IL1RAPL2: variants seen among roughly 807,000 people sequenced by gnomAD.
IL1RAPL2 encodes interleukin 1 receptor accessory protein like 2, also known as X-linked interleukin-1 receptor accessory protein-like 2.
A neutral mutation model predicts 44.1 loss-of-function variants in IL1RAPL2; 3 were observed. The ratio of observed to expected loss-of-function variants is 0.07; its 90% CI spans 0.03 to 0.18. The LOEUF (loss-of-function observed/expected upper bound fraction) is 0.18. IL1RAPL2 is among the 10% of genes least tolerant of loss of function. The pLI, the probability that IL1RAPL2 is intolerant of heterozygous loss-of-function variation, is 1.00. For missense variants in IL1RAPL2, 391 were observed against 496.4 expected, an observed-to-expected ratio of 0.79 and a Z score of 2.02; for synonymous variants, 181 against 178.8, an observed-to-expected ratio of 1.01 and a Z score of -0.10.
chrX:105,363,626 A>G (rs1470566100), intron 5 of IL1RAPL2, among the ~76,000 whole-genome samples: 1 of 109,577 alleles, frequency 9.1e-6, no homozygotes, highest in East Asian at 2.8e-4. Flanking sequence ...CATCTTTTTG[A>G]TAATAGCCAT....
chrX:104,893,981 A>T (rs752337064), intron 2 of IL1RAPL2, among the ~76,000 whole-genome samples: 7 of 111,124 alleles, frequency 6.3e-5, no homozygotes, highest in Non-Finnish European at 1.1e-4. Flanking sequence ...GGGCAGGTCT[A>T]GTGGTTATAA....
chrX:104,952,998 A>G (rs1925626642), intron 2 of IL1RAPL2, among the ~76,000 whole-genome samples: 1 of 111,949 alleles, frequency 8.9e-6, no homozygotes, highest in African/African-American at 3.2e-5. Flanking sequence ...ATTAGGTGTG[A>G]TTATCAATAA....
At chrX:104,935,660 C>T (rs1925007525) in intron 2 of IL1RAPL2, among the ~76,000 whole-genome samples, 1 of 112,116 alleles carries the variant, frequency 8.9e-6, no homozygotes, top group South Asian at 3.7e-4. Context: ...ATATACTCTT[C>T]GGTGATCATT....
chrX:105,317,508 T>G, intron 5 of IL1RAPL2, among the ~76,000 whole-genome samples: 1 of 112,263 alleles, frequency 8.9e-6, no homozygotes, highest in Middle Eastern at 4.6e-3. Flanking sequence ...TCATTTCTTG[T>G]TGTTGAAATT....
chrX:104,651,653 T>C (rs901188278), intron 1 of IL1RAPL2, among the ~76,000 whole-genome samples: 4 of 111,043 alleles, frequency 3.6e-5, no homozygotes, highest in African/African-American at 1.3e-4. Flanking sequence ...TATGGTTGAG[T>C]TGGTAACTAA....
At chrX:105,640,646 ATGTG>A (rs1249323712) in intron 6 of IL1RAPL2, among the ~76,000 whole-genome samples, 1 of 62,098 alleles carries the variant, frequency 1.6e-5, no homozygotes, top group African/African-American at 6.2e-5. Context: ...CAAATTATGT[ATGTG>A]TGTGTATATA....
At chrX:104,962,691 A>G (rs1227745707) in intron 2 of IL1RAPL2, among the ~76,000 whole-genome samples, 1 of 112,333 alleles carries the variant, frequency 8.9e-6, no homozygotes, top group Non-Finnish European at 1.9e-5. Flanking sequence ...GAGAAGACAC[A>G]TCAACACCTC....
rs901006593 is a variant in IL1RAPL2 at position 104,671,132 on chromosome X, G to A, written c.82+12137G>A. On this transcript the variant is annotated intron_variant, in intron 2 of 10. Coordinates refer to ENST00000372582, the MANE Select transcript of IL1RAPL2 (RefSeq NM_017416.2). ...AATTTTTATATAAATATAAAAACACGTGTGCTATTATATATGTATGTATAG... is the reference window on the plus strand; with the variant it reads ...AATTTTTATATAAATATAAAAACACATGTGCTATTATATATGTATGTATAG... Among the ~76,000 whole-genome samples the A allele has an allele frequency of 6.4e-5, 7 of 110,129 alleles. No individual in the cohort carries two copies. The East Asian group carries it at 1.1e-3, about 18-fold the overall frequency.
At chrX:105,180,052 C>G (rs1385596169) in intron 2 of IL1RAPL2, among the ~76,000 whole-genome samples, 1 of 110,052 alleles carries the variant, frequency 9.1e-6, no homozygotes, top group African/African-American at 3.3e-5. Context: ...AAGTGGGCAT[C>G]CTAGCTGGGC....
chrX:105,446,881 A>G (rs1232200528), intron 5 of IL1RAPL2, among the ~76,000 whole-genome samples: 4 of 104,970 alleles, frequency 3.8e-5, no homozygotes, highest in African/African-American at 1.4e-4. Context: ...TACTATCACC[A>G]GTGAGTTTTG....
At chrX:105,292,018 G>A (rs375698629) in intron 5 of IL1RAPL2, among the ~76,000 whole-genome samples, 1 of 110,821 alleles carries the variant, frequency 9.0e-6, no homozygotes. Context: ...GCATATGCAG[G>A]GCGAGATAGG....
chrX:105,187,495 C>T (rs1556134581), intron 2 of IL1RAPL2, among the ~76,000 whole-genome samples: 3 of 111,626 alleles, frequency 2.7e-5, no homozygotes, highest in Non-Finnish European at 5.6e-5. Context: ...CTCTTGCACA[C>T]TATTGGTGGG....
chrX:105,233,868 A>G lies in IL1RAPL2; in HGVS notation c.407A>G (p.Asn136Ser). ...TCAATGTCCTTGACTGTTGCAGAGA[A>G]TGAATCAGGCCTGTGCTACAACAGC... is the stretch of plus-strand genomic sequence containing the variant. ...KVSMSLTVAE[N>S]ESGLCYNSRI... Residue 136 changes from asparagine to serine, a missense_variant, in exon 4 of 11, where the codon AAT becomes AGT. Asn to Ser is a conservative substitution (Grantham distance 46, BLOSUM62 1). Transcript: ENST00000372582. 1 of 1,210,194 alleles carries G rather than the reference A, an allele frequency of 8.3e-7. No homozygotes were observed. Among genetic ancestry groups the G allele is most frequent in the Non-Finnish European group, 1.1e-6 (1 of 894,096 alleles).
At chrX:104,916,710 A>G (rs1924449476) in intron 2 of IL1RAPL2, among the ~76,000 whole-genome samples, 1 of 111,282 alleles carries the variant, frequency 9.0e-6, no homozygotes, top group Non-Finnish European at 1.9e-5. Flanking sequence ...TGGGTTTGTC[A>G]CAGATAGCTC....
At chrX:105,631,480 A>G (rs1300744320) in intron 6 of IL1RAPL2, among the ~76,000 whole-genome samples, 1 of 112,516 alleles carries the variant, frequency 8.9e-6, no homozygotes, top group East Asian at 2.8e-4. Context: ...GACAGACTCT[A>G]CTTTTCTCAG....
At chrX:105,630,990 A>G (rs2037488055) in intron 6 of IL1RAPL2, among the ~76,000 whole-genome samples, 3 of 111,180 alleles carry the variant, frequency 2.7e-5, no homozygotes, top group South Asian at 7.6e-4. Flanking sequence ...ACTTGAGGCT[A>G]TTTTACATTC....
intron 2 of IL1RAPL2, among the ~76,000 whole-genome samples, chrX:105,159,948 C>CTCAGCTAA (rs1320327471): frequency 9.2e-6 from 1 of 108,394 alleles, no homozygotes; most frequent in African/African-American, 3.4e-5. Flanking sequence ...CTTGCGGTTA[C>CTCAGCTAA]TCAGCTAATA....
At chrX:104,788,221 A>G (rs774429773) in intron 2 of IL1RAPL2, among the ~76,000 whole-genome samples, 1 of 112,467 alleles carries the variant, frequency 8.9e-6, no homozygotes, top group South Asian at 3.7e-4. Flanking sequence ...TAGTCTGCTT[A>G]GCAGATCTGA....
At chrX:104,862,099 T>A (rs1457775956) in intron 2 of IL1RAPL2, among the ~76,000 whole-genome samples, 1 of 111,079 alleles carries the variant, frequency 9.0e-6, no homozygotes, top group African/African-American at 3.3e-5. Flanking sequence ...AGTAGTTTGA[T>A]GAGGCTGAAA....
Sources: gnomAD v4.1 joint callset for allele counts (sites outside exome capture counted in the v4.1 genomes callset) on GRCh38, gnomAD v4.1.1 for gene constraint, MANE v1.5 for transcripts, NCBI Gene and HGNC (gene_info 2026-07-23, HGNC 2026-07-21) for gene names.